The following CSF2RB variants were observed in gnomAD, a reference collection of about 807,000 sequenced individuals.
The protein encoded by CSF2RB is cytokine receptor common subunit beta.
CSF2RB carries 22 observed loss-of-function variants against 67.2 expected under a neutral mutation model. That is an observed-to-expected ratio of 0.33 (90% CI 0.23 to 0.47). CSF2RB has a LOEUF of 0.47. Ranked by LOEUF, CSF2RB falls within the 20% of genes least tolerant of loss-of-function variation. The pLI, the probability that CSF2RB is intolerant of heterozygous loss-of-function variation, is 1.00. For missense variants in CSF2RB, 1,113 were observed against 1,174.5 expected (o/e 0.95, Z 0.76); for synonymous variants, 507 against 482.9 (o/e 1.05, Z -0.65).
intron 1 of CSF2RB, among the ~76,000 whole-genome samples, chr22:36,920,328 G>A (rs902829590): frequency 6.6e-6 from 1 of 152,232 alleles, no homozygotes; most frequent in African/African-American, 2.4e-5. Context: ...GTGCACCCAA[G>A]TTTATGTTGC....
intron 2 of CSF2RB, 81 bp downstream of exon 2, chr22:36,922,364 G>T: frequency 7.3e-7 from 1 of 1,370,072 alleles, no homozygotes; most frequent in Non-Finnish European, 1.0e-6. Flanking sequence ...CGTATCCTCA[G>T]GATCCTGCCC....
chr22:36,924,558 A>G (rs1489736877), intron 3 of CSF2RB, among the ~76,000 whole-genome samples: 1 of 151,972 alleles, frequency 6.6e-6, no homozygotes, highest in Non-Finnish European at 1.5e-5. Flanking sequence ...AGCATTCCCT[A>G]AAGAGTTGTC....
In CSF2RB at chr22:36,924,422, G is replaced by A. The variant is rs1435448091; in HGVS notation, c.200+1055G>A. 2.0e-5 allele frequency among the ~76,000 whole-genome samples: 3 copies of A among 152,196 alleles called. No individual in the cohort carries two copies. The South Asian group carries it at 6.2e-4, about 32-fold the overall frequency. ...GTGCCACCCACCATGCCCTCTCCCA[G>A]GATCTTTCCCAATTGCCTTGCAAAC... On this transcript the variant is annotated intron_variant, in intron 3 of 13. Transcript: ENST00000403662.
At chr22:36,923,448 G>C (rs1461267670) in intron 3 of CSF2RB, 81 bp downstream of exon 3, 1 of 1,557,982 alleles carries the variant, frequency 6.4e-7, no homozygotes, top group African/African-American at 1.4e-5. Context: ...GTGTAGAGAG[G>C]GACCTGTCAG....
In CSF2RB at chr22:36,938,192, A is replaced by G; in HGVS notation, c.2384A>G (p.Asn795Ser). 1 of 1,614,060 alleles carries G rather than the reference A, an allele frequency of 6.2e-7. No homozygotes were observed. Among genetic ancestry groups the G allele is most frequent in the Non-Finnish European group, 8.5e-7 (1 of 1,179,980 alleles). The change falls in exon 14 of 14, where the codon AAC (asparagine) becomes AGC (serine). Residue 795 changes from asparagine to serine, a missense_variant. Physicochemically the swap from Asn to Ser is conservative, Grantham distance 46 (BLOSUM62 1). This residue lies in a region of CSF2RB where 554 missense variants were observed against 517.9 expected (regional missense o/e 1.07). Transcript: ENST00000403662. ...VPPEAKSPVL[N>S]PGERPADVSP... The stretch of plus-strand genomic sequence containing the variant: ...CCTGAGGCCAAAAGCCCTGTCCTGA[A>G]CCCAGGGGAACGCCCGGCAGATGTG...
chr22:36,935,681 G>A lies in CSF2RB; in HGVS notation c.1458G>A (p.Leu486=), dbSNP rs1941251609. Residue 486 remains leucine (L), a synonymous_variant, in exon 12 of 14, where the codon CTG becomes CTA. Transcript: ENST00000403662. ...EKIPNPSKSH[L]FQNGSAELWP... ...TCCCCAACCCCAGCAAGAGCCACCT[G>A]TTCCAGGTAGGAACTGGCTGCGAGG... The A allele has an allele frequency of 6.2e-7, 1 of 1,614,070 alleles. No homozygotes were observed. The highest frequency in any genetic ancestry group is 8.5e-7 in the Non-Finnish European group (1 of 1,179,994).
In CSF2RB at chr22:36,937,969, C is replaced by G. The variant is rs1204587363; in HGVS notation, c.2161C>G (p.Pro721Ala). Reference protein sequence around the residue: ...YVSSADLVFTPNSGASSVSLV... With the variant: ...YVSSADLVFTANSGASSVSLV... ...CTCCTCTGCAGACCTGGTATTCACCCCAAACTCAGGGGCCTCGTCTGTCTC... is the reference window on the plus strand; with the variant it reads ...CTCCTCTGCAGACCTGGTATTCACCGCAAACTCAGGGGCCTCGTCTGTCTC... The change falls in exon 14 of 14, where the codon CCA becomes GCA. Residue 721 changes from proline to alanine, a missense_variant. Physicochemically the swap from Pro to Ala is conservative, Grantham distance 27. Coordinates refer to ENST00000403662, the MANE Select transcript of CSF2RB (RefSeq NM_000395.3). The surrounding 1 kb of genome is among the most constrained non-coding windows in gnomAD (Gnocchi z 4.6). 6.2e-7 allele frequency: 1 copy of G among 1,614,166 alleles called. No individual in the cohort carries two copies. The highest frequency in any genetic ancestry group is 1.1e-5 in the South Asian group (1 of 91,086).
intron 4 of CSF2RB, 88 bp from the exon 5 acceptor site, chr22:36,929,314 C>T (rs1045985309): frequency 6.3e-7 from 1 of 1,575,884 alleles, no homozygotes; most frequent in Non-Finnish European, 8.7e-7. Flanking sequence ...TGGCCTGGAA[C>T]CCCCTGTGTC....
rs1940884041 is a variant in CSF2RB at position 36,922,022 on chromosome 22, A to G, written c.-172-14A>G. 3.2e-6 allele frequency: 2 copies of G among 617,450 alleles called. No homozygotes were observed. Among genetic ancestry groups the G allele is most frequent in the Admixed American group, 2.5e-5 (1 of 39,414 alleles). The allele number at this position is 617,450 out of a possible 1,614,324, so 38.2% of individuals were successfully genotyped here. A position where few individuals can be genotyped will look rare whatever the true frequency, so the allele number is the denominator to read the frequency against. On this transcript the variant is annotated splice_polypyrimidine_tract_variant and intron_variant, in intron 1 of 13. Transcript: ENST00000403662. ...AGGGGAGGGGCAGCTCACTGCTGAC[A>G]TCTCCTTCTGCAGGCCTGGAGGAGG...
intron 1 of CSF2RB, among the ~76,000 whole-genome samples, chr22:36,917,075 C>A (rs758017109): frequency 1.7e-4 from 26 of 152,250 alleles, no homozygotes; most frequent in Middle Eastern, 6.8e-3. Flanking sequence ...TTCAGTGATG[C>A]CAACGTTTCC....
rs757245806 is a variant in CSF2RB, at chr22:36,938,520, A to G, written c.*18A>G. 1 of 1,598,856 alleles carries G rather than the reference A, an allele frequency of 6.3e-7. No homozygotes were observed. Among genetic ancestry groups the G allele is most frequent in the South Asian group, 1.1e-5 (1 of 89,990 alleles). ...TGTGTTGAGACCCCCAGGCCTAGAC[A>G]GGCAAGGGGATGGAGAGGGCTTGCC... is the stretch of plus-strand genomic sequence containing the variant. On this transcript the variant is annotated 3_prime_UTR_variant, in exon 14 of 14. Transcript: ENST00000403662.
chr22:36,937,973 ACT>A lies in CSF2RB; in HGVS notation c.2167_2168del (p.Ser723ArgfsTer41), dbSNP rs1055345040. 3.1e-6 allele frequency: 5 copies of A among 1,613,668 alleles called. No homozygotes were observed. The highest frequency in any genetic ancestry group is 1.7e-5 in the Admixed American group (1 of 60,000). On this transcript the variant is annotated frameshift_variant, in exon 14 of 14. Coordinates refer to ENST00000403662, the MANE Select transcript of CSF2RB (RefSeq NM_000395.3). LOFTEE classifies it low-confidence loss of function (END_TRUNC). This position sits in a 1 kb window ranked among gnomAD's most constrained non-coding sequence, Gnocchi z 4.6. ...TCTGCAGACCTGGTATTCACCCCAA[ACT>A]CAGGGGCCTCGTCTGTCTCCCTAGT...
At chr22:36,921,450 C>T (rs544415120) in intron 1 of CSF2RB, among the ~76,000 whole-genome samples, 60 of 150,486 alleles carry the variant, frequency 4.0e-4, no homozygotes, top group African/African-American at 1.4e-3. Context: ...TGTGTGCCTG[C>T]GTGTGTCCGT....
In CSF2RB at chr22:36,938,289, C is replaced by G. The variant is rs1431328070; in HGVS notation, c.2481C>G (p.Gly827=). ...TGGGCGACTATTGCTTCCTCCCCGG[C>G]CTGGGGCCCGGCCCTCTCTCGCTCC... is the stretch of plus-strand genomic sequence containing the variant. ...QQVGDYCFLP[G]LGPGPLSLRS... The change falls in exon 14 of 14, where the codon GGC becomes GGG. Residue 827 remains glycine, a synonymous_variant. Coordinates refer to ENST00000403662, the MANE Select transcript of CSF2RB (RefSeq NM_000395.3). 2 of 1,614,214 alleles carry G rather than the reference C, an allele frequency of 1.2e-6. No individual in the cohort carries two copies. Among genetic ancestry groups the G allele is most frequent in the South Asian group, 2.2e-5 (2 of 91,086 alleles).
In CSF2RB at chr22:36,936,662, C is replaced by T; in HGVS notation, c.1568+10C>T. 6.2e-7 allele frequency: 1 copy of T among 1,607,886 alleles called. No individual in the cohort carries two copies. The highest frequency in any genetic ancestry group is 8.5e-7 in the Non-Finnish European group (1 of 1,175,962). On this transcript the variant is annotated intron_variant, in intron 13 of 13. Transcript: ENST00000403662. ...TCCCTGAGCTGGAGGGGTGAGTGGG[C>T]TCGTGGATCACTCCTGACCTTTGGG...
Position 36,937,255 on chromosome 22 carries a change from G to A in CSF2RB, c.1569-122G>A, listed in dbSNP as rs544682340. On this transcript the variant is annotated intron_variant, in intron 13 of 13. Transcript: ENST00000403662. This position sits in a 1 kb window ranked among gnomAD's most constrained non-coding sequence, Gnocchi z 4.6. ...ACCCTGTCCCGTTCAGGTTCTCTCT[G>A]TGAGATCTGGGGGACATCAGGGCTT... 26 of 1,258,000 alleles carry A rather than the reference G, an allele frequency of 2.1e-5. No individual in the cohort carries two copies. Among genetic ancestry groups the A allele is most frequent in the Middle Eastern group, 5.2e-4 (2 of 3,836 alleles). The allele number at this position is 1,258,000 out of a possible 1,614,324, so 77.9% of individuals were successfully genotyped here.
At position 36,922,107 on chromosome 22, in the gene CSF2RB, C is replaced by A. The variant is rs1940886890; in HGVS notation, c.-101C>A. The A allele has an allele frequency of 3.5e-6, 4 of 1,140,296 alleles. No homozygotes were observed. The highest frequency in any genetic ancestry group is 4.0e-5 in the Admixed American group (2 of 50,116). 70.6% of individuals were successfully genotyped at this position (1,140,296 alleles called of 1,614,324 possible). A position where few individuals can be genotyped will look rare whatever the true frequency, so the allele number is the denominator to read the frequency against. ...GAAATGGGTCTGGCCTGGCTCCCAG[C>A]TGGGCAGGAACACAGGACTTCAGGA... is the stretch of plus-strand genomic sequence containing the variant. On this transcript the variant is annotated 5_prime_UTR_variant, in exon 2 of 14. The change creates a new upstream start codon in the 5' untranslated region. Transcript: ENST00000403662.
chr22:36,930,796 G>A lies in CSF2RB; in HGVS notation c.978G>A (p.Arg326=). 1.2e-6 allele frequency: 2 copies of A among 1,614,132 alleles called. No homozygotes were observed. The highest frequency in any genetic ancestry group is 2.7e-5 in the African/African-American group (2 of 75,036). ...AATACATCGTCTCTGTTCAGCCAAG[G>A]AGGGCAGAGAAACACATAAAGAGCT... The part of the protein sequence containing the change: ...HGQYIVSVQP[R]RAEKHIKSSV... Residue 326 remains arginine (R), a synonymous_variant, in exon 8 of 14, where the codon AGG becomes AGA. Transcript: ENST00000403662.
rs746565245 is a variant in CSF2RB at position 36,930,326 on chromosome 22, T to C, written c.719-49T>C. On this transcript the variant is annotated intron_variant, in intron 6 of 13. Coordinates refer to ENST00000403662, the MANE Select transcript of CSF2RB (RefSeq NM_000395.3). ...CACACGGTGGGCACCCACTGAGAGC[T>C]ATGGGAGGGATGAATGACGGAGTAC... The C allele has an allele frequency of 3.7e-6, 6 of 1,611,604 alleles. No individual in the cohort carries two copies. In the Admixed American group the frequency reaches 8.3e-5, roughly 22 times the overall value.
Sources: allele counts gnomAD v4.1 joint callset (sites outside exome capture counted in the v4.1 genomes callset), GRCh38; gene constraint gnomAD v4.1.1; regional missense constraint gnomAD v4.1.1; non-coding constraint Gnocchi (gnomAD v3.1); transcripts MANE v1.5; gene names NCBI Gene and HGNC (gene_info 2026-07-23, HGNC 2026-07-21).